MMP17: variants seen among roughly 807,000 people sequenced by gnomAD.
The protein encoded by MMP17 is matrix metalloproteinase-17.
MMP17 carries 54 observed loss-of-function variants against 49.1 expected under a neutral mutation model. The observed-to-expected ratio is 1.10, with a 90% CI of 0.88 to 1.38. The LOEUF is 1.38. Ranked by LOEUF, MMP17 falls within the 40% of genes most tolerant of loss-of-function variation. The probability of loss-of-function intolerance (pLI) is 0.00; values close to 1 mark genes in which losing one functional copy is unlikely to be tolerated. For missense variants in MMP17, 837 were observed against 853.7 expected (o/e 0.98, Z 0.24); for synonymous variants, 397 against 383.1 (o/e 1.04, Z -0.42).
At chr12:131,841,884 G>A (rs971907043) in intron 5 of MMP17, 84 bp downstream of exon 5, 187 of 1,424,948 alleles carry the variant, frequency 1.3e-4, no homozygotes, top group Non-Finnish European at 1.7e-4. Context: ...GCCCCCCCGG[G>A]AGGGTTTGCT....
rs201494330 is a variant in MMP17 at position 131,850,048 on chromosome 12, G to A, written c.1451G>A (p.Arg484His). The stretch of plus-strand genomic sequence containing the variant: ...CCCAGCACGCTGGACGACGCCATGC[G>A]CTGGTCCGACGGTGAGTGCCAGCTG... Reference protein sequence around the residue: ...GVPSTLDDAMRWSDGASYFFR... With the variant: ...GVPSTLDDAMHWSDGASYFFR... Residue 484 changes from arginine (R) to histidine (H), a missense_variant, in exon 9 of 10, where the codon CGC (arginine) becomes CAC (histidine). Physicochemically the swap from Arg to His is conservative, Grantham distance 29 (BLOSUM62 0). Transcript: ENST00000360564. 47 of 1,610,896 alleles carry A rather than the reference G, an allele frequency of 2.9e-5. No homozygotes were observed. The highest frequency in any genetic ancestry group is 1.7e-4 in the Middle Eastern group (1 of 6,048).
intron 8 of MMP17, among the ~76,000 whole-genome samples, chr12:131,847,224 A>AAC (rs1450965881): frequency 2.6e-5 from 4 of 152,056 alleles, no homozygotes; most frequent in Admixed American, 6.6e-5. Flanking sequence ...CATCCTGGTT[A>AAC]ACACGGTGAA....
intron 3 of MMP17, among the ~76,000 whole-genome samples, chr12:131,839,696 ATG>A (rs1887286121): frequency 6.6e-6 from 1 of 152,110 alleles, no homozygotes; most frequent in African/African-American, 2.4e-5. Context: ...GCCTGTAATC[ATG>A]GCACTTTGGG....
chr12:131,843,667 T>C (rs1887540029), intron 5 of MMP17, among the ~76,000 whole-genome samples: 1 of 152,194 alleles, frequency 6.6e-6, no homozygotes, highest in South Asian at 2.1e-4. Context: ...AGGCACTGGG[T>C]TGTCACCCCT....
In MMP17 at chr12:131,845,329, C is replaced by A. The variant is rs1887647362; in HGVS notation, c.1084C>A (p.His362Asn). ...CTTCTGGCGGCTGACGCGGGACCGG[C>A]ACCTGGTGTCCCTGCAGCCGGCACA... is the stretch of plus-strand genomic sequence containing the variant. ...KYFWRLTRDRHLVSLQPAQMH... is the reference protein window; with the variant it reads ...KYFWRLTRDRNLVSLQPAQMH... The change falls in exon 8 of 10, where the codon CAC becomes AAC. Residue 362 changes from histidine to asparagine, a missense_variant. Coordinates refer to ENST00000360564, the MANE Select transcript of MMP17 (RefSeq NM_016155.7). The A allele has an allele frequency of 6.2e-7, 1 of 1,605,152 alleles. No individual in the cohort carries two copies. Among genetic ancestry groups the A allele is most frequent in the African/African-American group, 1.3e-5 (1 of 74,976 alleles).
At chr12:131,849,174 A>G (rs1214762879) in intron 8 of MMP17, among the ~76,000 whole-genome samples, 1 of 152,168 alleles carries the variant, frequency 6.6e-6, no homozygotes, top group Non-Finnish European at 1.5e-5. Flanking sequence ...AATGCCATCT[A>G]TATTTCTTGG....
At chr12:131,834,745 C>T (rs1286184498) in intron 1 of MMP17, among the ~76,000 whole-genome samples, 3 of 152,066 alleles carry the variant, frequency 2.0e-5, no homozygotes, top group Admixed American at 2.0e-4. Context: ...CCCCTACTCC[C>T]CTTAGCTAAC....
At chr12:131,843,784 C>T (rs1316867064) in intron 5 of MMP17, among the ~76,000 whole-genome samples, 1 of 152,194 alleles carries the variant, frequency 6.6e-6, no homozygotes, top group African/African-American at 2.4e-5. Context: ...CAGGGCAGTG[C>T]TCACACACTG....
At position 131,851,244 on chromosome 12, in the gene MMP17, G is replaced by C. The variant is rs773479122; in HGVS notation, c.1782G>C (p.Leu594=). The change falls in exon 10 of 10, where the codon CTG becomes CTC. Residue 594 remains leucine, a synonymous_variant. Transcript: ENST00000360564. ...LLLPPLSPGA[L]WTAAQALTL ...TGCCGCCACTGTCACCAGGCGCCCT[G>C]TGGACAGCGGCCCAGGCCCTGACGC... 39 of 1,445,738 alleles carry C rather than the reference G, an allele frequency of 2.7e-5. 1 individual carries two copies. In the Middle Eastern group the frequency reaches 7.4e-4, roughly 28 times the overall value. The allele number at this position is 1,445,738 out of a possible 1,614,324, so 89.6% of individuals were successfully genotyped here. A position where few individuals can be genotyped will look rare whatever the true frequency, so the allele number is the denominator to read the frequency against.
rs551505911 is a variant in MMP17 at position 131,848,553 on chromosome 12, T to TGAAACACGGATGCCCCGC, written c.1205-1248_1205-1231dup. 8.0e-3 allele frequency among the ~76,000 whole-genome samples: 1,211 copies of TGAAACACGGATGCCCCGC among 152,242 alleles called. 11 individuals are homozygous for TGAAACACGGATGCCCCGC. The highest frequency in any genetic ancestry group is 0.028 in the African/African-American group (1,151 of 41,524). ...CTTCCCAAACGGAAACGCTGCCCCG[T>TGAAACACGGATGCCCCGC]GAAACACGGATGCCCCGCCCCGCCC... On this transcript the variant is annotated intron_variant, in intron 8 of 9. Transcript: ENST00000360564.
intron 5 of MMP17, 29 bp downstream of exon 5, chr12:131,841,829 G>A (rs1335748736): frequency 6.5e-7 from 1 of 1,535,710 alleles, no homozygotes; most frequent in South Asian, 1.2e-5. Flanking sequence ...CCAGACACAG[G>A]GCCCCTGGAA....
chr12:131,838,818 G>A lies in MMP17; in HGVS notation c.422+77G>A, dbSNP rs112240382. 658 of 1,486,304 alleles carry A rather than the reference G, an allele frequency of 4.4e-4. 6 individuals are homozygous for A. The African/African-American group carries it at 6.6e-3, about 15-fold the overall frequency. The allele number at this position is 1,486,304 out of a possible 1,614,324, so 92.1% of individuals were successfully genotyped here. On this transcript the variant is annotated intron_variant, in intron 3 of 9. Transcript: ENST00000360564. ...GGCCAGGGTGAGGAACGGGGTCTCC[G>A]TGGAGGTGGGCGCGTGGCCAGGGTG...
intron 1 of MMP17, among the ~76,000 whole-genome samples, chr12:131,835,602 T>C (rs755966881): frequency 1.6e-4 from 25 of 151,992 alleles, no homozygotes; most frequent in Admixed American, 1.4e-3. Flanking sequence ...ACGGGAAGGC[T>C]GGGGGGTGAG....
At position 131,850,912 on chromosome 12, in the gene MMP17, C is replaced by A; in HGVS notation, c.1463-13C>A. On this transcript the variant is annotated splice_polypyrimidine_tract_variant and intron_variant, in intron 9 of 9. Transcript: ENST00000360564. ...AGCCCTCCCCTGAGCTCAGCTCTCC[C>A]TCCTCTTCTCAGGTGCCTCCTACTT... 6.8e-7 allele frequency: 1 copy of A among 1,464,132 alleles called. No individual in the cohort carries two copies. The highest frequency in any genetic ancestry group is 9.0e-7 in the Non-Finnish European group (1 of 1,105,120). The allele number at this position is 1,464,132 out of a possible 1,614,324, so 90.7% of individuals were successfully genotyped here. A position where few individuals can be genotyped will look rare whatever the true frequency, so the allele number is the denominator to read the frequency against.
intron 8 of MMP17, among the ~76,000 whole-genome samples, chr12:131,848,688 G>C (rs1308302450): frequency 6.6e-6 from 1 of 152,148 alleles, no homozygotes; most frequent in Non-Finnish European, 1.5e-5. Flanking sequence ...CTGCCCCTCT[G>C]TGCCTGGCTC....
intron 6 of MMP17, chr12:131,844,769 G>A (rs745358983): frequency 4.7e-5 from 16 of 341,456 alleles, no homozygotes; most frequent in Admixed American, 8.2e-5. Flanking sequence ...TTGTAGGACC[G>A]AATTCTAGGC....
intron 3 of MMP17, 139 bp downstream of exon 3, chr12:131,838,880 G>C: frequency 9.3e-7 from 1 of 1,071,000 alleles, no homozygotes; most frequent in East Asian, 2.7e-5. Context: ...TGCGTGGCCA[G>C]GGTGAGGAAC....
At chr12:131,850,168 C>A in intron 9 of MMP17, 109 bp downstream of exon 9, 1 of 1,397,148 alleles carries the variant, frequency 7.2e-7, no homozygotes, top group Non-Finnish European at 9.5e-7. Flanking sequence ...CGGCCCCGGT[C>A]GGTGTGGGCT....
chr12:131,838,415 C>G (rs1887196149), intron 2 of MMP17, 88 bp downstream of exon 2: 2 of 1,521,220 alleles, frequency 1.3e-6, no homozygotes, highest in South Asian at 1.2e-5. Context: ...GGCACAGTCC[C>G]GTCTTATGCT....
Sources: allele counts gnomAD v4.1 joint callset (sites outside exome capture counted in the v4.1 genomes callset), GRCh38; gene constraint gnomAD v4.1.1; transcripts MANE v1.5; gene names NCBI Gene and HGNC (gene_info 2026-07-23, HGNC 2026-07-21).